The following NKAIN2 variants were observed in gnomAD, a reference collection of about 807,000 sequenced individuals.
NKAIN2 encodes the protein sodium/potassium-transporting ATPase subunit beta-1-interacting protein 2.
A neutral mutation model predicts 32.6 loss-of-function variants in NKAIN2; 14 were observed. The observed-to-expected ratio is 0.43, with a 90% CI of 0.28 to 0.67. The LOEUF is 0.67. Ranked by LOEUF, NKAIN2 falls within the 30% of genes least tolerant of loss-of-function variation. The pLI is 0.17. For missense variants in NKAIN2, 198 were observed against 258.3 expected (o/e 0.77, Z 1.60); for synonymous variants, 80 against 87.2 (o/e 0.92, Z 0.46).
intron 1 of NKAIN2, among the ~76,000 whole-genome samples, chr6:124,244,109 C>CT (rs1303595195): frequency 6.7e-6 from 1 of 148,514 alleles, no homozygotes; most frequent in East Asian, 2.0e-4. Flanking sequence ...TTTTATTATA[C>CT]TTTAAGTTTT....
intron 5 of NKAIN2, among the ~76,000 whole-genome samples, chr6:124,816,410 A>G (rs574120518): frequency 3.3e-5 from 5 of 152,280 alleles, no homozygotes; most frequent in Middle Eastern, 3.4e-3. Flanking sequence ...AATAAACATT[A>G]ATGTAAACTA....
At chr6:124,356,900 T>G (rs761908006) in intron 3 of NKAIN2, among the ~76,000 whole-genome samples, 1 of 152,154 alleles carries the variant, frequency 6.6e-6, no homozygotes, top group African/African-American at 2.4e-5. Context: ...ATGGCCTGAG[T>G]AAAATGATCC....
chr6:124,353,350 C>T (rs1438858579), intron 2 of NKAIN2, among the ~76,000 whole-genome samples: 1 of 151,952 alleles, frequency 6.6e-6, no homozygotes, highest in Non-Finnish European at 1.5e-5. Context: ...AGGGCTCAGC[C>T]AATTCTGGTT....
chr6:124,039,391 T>G (rs558574687), intron 1 of NKAIN2, among the ~76,000 whole-genome samples: 121 of 152,004 alleles, frequency 8.0e-4, no homozygotes, highest in African/African-American at 2.9e-3. Context: ...AAATGCGTTA[T>G]ATATATTTAT....
chr6:124,392,561 C>T (rs1773189031), intron 3 of NKAIN2, among the ~76,000 whole-genome samples: 2 of 151,784 alleles, frequency 1.3e-5, no homozygotes, highest in South Asian at 2.1e-4. Flanking sequence ...TGCCCTGAGC[C>T]GAAGAAAAGT....
At chr6:124,556,922 A>G (rs754846248) in intron 3 of NKAIN2, among the ~76,000 whole-genome samples, 2 of 152,192 alleles carry the variant, frequency 1.3e-5, no homozygotes, top group East Asian at 3.9e-4. Flanking sequence ...TTAATCAAGT[A>G]AACATTAGCT....
At chr6:124,514,961 G>T (rs1204262695) in intron 3 of NKAIN2, among the ~76,000 whole-genome samples, 1 of 152,046 alleles carries the variant, frequency 6.6e-6, no homozygotes, top group African/African-American at 2.4e-5. Flanking sequence ...TGACAGAAAA[G>T]AACATAAAGG....
At chr6:124,817,004 C>T (rs76999729) in intron 5 of NKAIN2, among the ~76,000 whole-genome samples, 7,134 of 152,232 alleles carry the variant, frequency 0.047, 553 homozygotes, top group African/African-American at 0.16. Flanking sequence ...CGCTCATAGG[C>T]TCTGTGGGTT....
chr6:124,797,628 C>A (rs954029301), intron 5 of NKAIN2, among the ~76,000 whole-genome samples: 6 of 152,148 alleles, frequency 3.9e-5, no homozygotes, highest in African/African-American at 1.2e-4. Context: ...TTATTCACTT[C>A]TCTGGGGCTA....
intron 1 of NKAIN2, among the ~76,000 whole-genome samples, chr6:124,245,733 G>C (rs1030856470): frequency 5.9e-5 from 9 of 152,068 alleles, no homozygotes; most frequent in African/African-American, 2.2e-4. Flanking sequence ...AGATAGCTCT[G>C]AGTTTGAATC....
intron 4 of NKAIN2, among the ~76,000 whole-genome samples, chr6:124,742,458 C>T (rs1777260278): frequency 6.6e-6 from 1 of 151,744 alleles, no homozygotes; most frequent in Non-Finnish European, 1.5e-5. Flanking sequence ...ACATTCTCAC[C>T]ATCACTATCA....
intron 2 of NKAIN2, among the ~76,000 whole-genome samples, chr6:124,288,138 C>A (rs1299770160): frequency 6.6e-6 from 1 of 152,114 alleles, no homozygotes; most frequent in South Asian, 2.1e-4. Flanking sequence ...ATCACTGATT[C>A]TCCTGTATAT....
chr6:124,807,417 A>T (rs1278297370), intron 5 of NKAIN2, among the ~76,000 whole-genome samples: 48 of 149,256 alleles, frequency 3.2e-4, no homozygotes, highest in African/African-American at 1.2e-3. Flanking sequence ...TGAAGGCAGA[A>T]ATAAAGATGT....
chr6:124,340,651 G>A (rs1411850507), intron 2 of NKAIN2, among the ~76,000 whole-genome samples: 3 of 152,092 alleles, frequency 2.0e-5, no homozygotes, highest in Non-Finnish European at 4.4e-5. Flanking sequence ...CTGTTCCTGT[G>A]TTAGTTTGCT....
intron 2 of NKAIN2, among the ~76,000 whole-genome samples, chr6:124,295,196 G>T (rs1231365758): frequency 1.3e-5 from 2 of 152,120 alleles, no homozygotes; most frequent in Non-Finnish European, 1.5e-5. Flanking sequence ...TACATTTTCA[G>T]AGTAGTTTGT....
chr6:124,547,159 T>C (rs952809523), intron 3 of NKAIN2, among the ~76,000 whole-genome samples: 7 of 152,186 alleles, frequency 4.6e-5, no homozygotes, highest in Non-Finnish European at 8.8e-5. Context: ...AAGTATTTTC[T>C]TTTACATTTT....
intron 1 of NKAIN2, among the ~76,000 whole-genome samples, chr6:123,995,804 T>C (rs1582900950): frequency 6.6e-6 from 1 of 152,344 alleles, no homozygotes; most frequent in East Asian, 1.9e-4. Flanking sequence ...ACAAGTTCAC[T>C]ATGAAAGAGA....
chr6:124,160,669 A>G (rs72978551), intron 1 of NKAIN2, among the ~76,000 whole-genome samples: 16 of 152,304 alleles, frequency 1.1e-4, no homozygotes, highest in Non-Finnish European at 2.2e-4. Context: ...AAAGGATAGC[A>G]AATTTTATTA....
intron 1 of NKAIN2, among the ~76,000 whole-genome samples, chr6:123,877,856 T>C (rs1773239403): frequency 6.6e-6 from 1 of 152,228 alleles, no homozygotes; most frequent in Admixed American, 6.5e-5. Context: ...TAACTTTTAA[T>C]TATAATTTTT....
Sources: gnomAD v4.1 joint callset for allele counts (sites outside exome capture counted in the v4.1 genomes callset) on GRCh38, gnomAD v4.1.1 for gene constraint, MANE v1.5 for transcripts, NCBI Gene and HGNC (gene_info 2026-07-23, HGNC 2026-07-21) for gene names.